TTC23: variants seen among roughly 807,000 people sequenced by gnomAD.
TTC23 encodes the protein tetratricopeptide repeat protein 23.
A neutral mutation model predicts 55.1 loss-of-function variants in TTC23; 58 were observed. The ratio of observed to expected loss-of-function variants is 1.05; its 90% confidence interval spans 0.85 to 1.31. The LOEUF is 1.31. Among genes scored for constraint, TTC23 ranks in the 50% most tolerant of loss-of-function variants. TTC23 has a pLI of 0.00. For synonymous variants in TTC23, 203 were observed against 199.9 expected, an observed-to-expected ratio of 1.02 and a Z score of -0.13; for missense variants, 516 against 534.4, an observed-to-expected ratio of 0.97 and a Z score of 0.34.
At chr15:99,165,374 C>T (rs987568818) in intron 10 of TTC23, among the ~76,000 whole-genome samples, 2 of 152,234 alleles carry the variant, frequency 1.3e-5, no homozygotes, top group Non-Finnish European at 2.9e-5. Context: ...GATCTAATTA[C>T]ATTCCATAGG....
intron 4 of TTC23, among the ~76,000 whole-genome samples, chr15:99,232,125 T>TA (rs978266760): frequency 4.6e-5 from 7 of 150,902 alleles, no homozygotes; most frequent in African/African-American, 1.7e-4. Flanking sequence ...GTTTAAAAAG[T>TA]AAAAAAAGAA....
chr15:99,204,490 T>C (rs1484575339), intron 8 of TTC23, among the ~76,000 whole-genome samples: 4 of 152,118 alleles, frequency 2.6e-5, no homozygotes, highest in Admixed American at 2.0e-4. Context: ...TTTAGCTTGA[T>C]GTGATCCCAT....
intron 8 of TTC23, among the ~76,000 whole-genome samples, chr15:99,214,235 C>T (rs760059393): frequency 3.3e-5 from 5 of 151,862 alleles, no homozygotes; most frequent in South Asian, 2.1e-4. Flanking sequence ...CGGCCGGGTG[C>T]GGTGGCTCAC....
intron 8 of TTC23, among the ~76,000 whole-genome samples, chr15:99,213,031 G>A (rs574770887): frequency 1.4e-5 from 2 of 146,896 alleles, no homozygotes; most frequent in Admixed American, 6.8e-5. Flanking sequence ...TCCAATGAGC[G>A]CTGCCTGAGA....
intron 4 of TTC23, among the ~76,000 whole-genome samples, chr15:99,230,879 T>C (rs979539281): frequency 6.6e-6 from 1 of 152,214 alleles, no homozygotes; most frequent in African/African-American, 2.4e-5. Context: ...TGATAGCAAA[T>C]GGAACTCTAG....
At chr15:99,212,199 T>C (rs1187733802) in intron 8 of TTC23, among the ~76,000 whole-genome samples, 1 of 152,104 alleles carries the variant, frequency 6.6e-6, no homozygotes, top group Non-Finnish European at 1.5e-5. Context: ...AATCACATGT[T>C]CTGGAGCAAT....
chr15:99,204,902 C>A (rs888886679), intron 8 of TTC23, among the ~76,000 whole-genome samples: 11 of 152,250 alleles, frequency 7.2e-5, no homozygotes, highest in African/African-American at 1.9e-4. Flanking sequence ...TCCCAAAGTG[C>A]TGGGACTACA....
At chr15:99,151,177 G>C (rs2151865104) in intron 12 of TTC23, 1 of 152,330 alleles carries the variant, frequency 6.6e-6, no homozygotes, top group East Asian at 1.9e-4. Context: ...GCCAAAAACA[G>C]GGAGGGATGC....
At chr15:99,237,263 T>A (rs143890091) in intron 3 of TTC23, among the ~76,000 whole-genome samples, 5 of 152,170 alleles carry the variant, frequency 3.3e-5, no homozygotes, top group African/African-American at 1.2e-4. Context: ...ACTACAGGCA[T>A]GAGCCACCAT....
chr15:99,175,431 G>GT (rs1491466677), intron 9 of TTC23, among the ~76,000 whole-genome samples: 4 of 152,228 alleles, frequency 2.6e-5, no homozygotes, highest in Non-Finnish European at 4.4e-5. Context: ...TTTGAGTCCA[G>GT]TGTCAGCAAA....
intron 8 of TTC23, among the ~76,000 whole-genome samples, chr15:99,200,987 C>T (rs772570665): frequency 6.6e-6 from 1 of 152,190 alleles, no homozygotes; most frequent in Non-Finnish European, 1.5e-5. Context: ...TTCTGTATAT[C>T]ATCTCAGGCA....
chr15:99,179,131 G>A (rs2073881249), intron 9 of TTC23, among the ~76,000 whole-genome samples: 1 of 152,212 alleles, frequency 6.6e-6, no homozygotes. Context: ...ACACGGAAAT[G>A]TCCAGCCAAC....
intron 1 of TTC23, among the ~76,000 whole-genome samples, 169 bp from the exon 2 acceptor site, chr15:99,245,679 G>C (rs2080181616): frequency 6.6e-6 from 1 of 151,686 alleles, no homozygotes; most frequent in African/African-American, 2.4e-5. Context: ...TGGTACAACT[G>C]GATAGATACA....
intron 8 of TTC23, among the ~76,000 whole-genome samples, chr15:99,214,904 G>A (rs566840361): frequency 1.6e-5 from 2 of 122,440 alleles, no homozygotes; most frequent in African/African-American, 6.2e-5. Context: ...TGCCCAGGCT[G>A]GAGTGCAATG....
intron 9 of TTC23, among the ~76,000 whole-genome samples, chr15:99,176,124 T>C (rs752282152): frequency 1.6e-4 from 24 of 152,200 alleles, no homozygotes; most frequent in Non-Finnish European, 2.8e-4. Flanking sequence ...CTGTCAGCAT[T>C]TGGAGTTTTA....
chr15:99,138,256 G>C (rs2067770012), intron 13 of TTC23, 129 bp from the exon 14 acceptor site: 1 of 1,065,074 alleles, frequency 9.4e-7, no homozygotes, highest in Non-Finnish European at 1.3e-6. Context: ...CTATAAATGA[G>C]AGGAGAATTG....
chr15:99,240,233 G>A (rs891839274), intron 3 of TTC23, among the ~76,000 whole-genome samples: 35 of 152,244 alleles, frequency 2.3e-4, no homozygotes, highest in Admixed American at 5.9e-4. Context: ...GTTATTCTGG[G>A]CCTCTGAACC....
intron 8 of TTC23, among the ~76,000 whole-genome samples, chr15:99,215,348 G>T (rs973845625): frequency 6.6e-6 from 1 of 152,062 alleles, no homozygotes. Flanking sequence ...ACGCTCAAAG[G>T]TCCTTGCATT....
chr15:99,202,765 A>T (rs1308872383), intron 8 of TTC23, among the ~76,000 whole-genome samples: 1 of 152,186 alleles, frequency 6.6e-6, no homozygotes, highest in African/African-American at 2.4e-5. Context: ...GAGAGGCAGG[A>T]GAATCAGTTG....
Sources: allele counts gnomAD v4.1 joint callset (sites outside exome capture counted in the v4.1 genomes callset), GRCh38; gene constraint gnomAD v4.1.1; transcripts MANE v1.5; gene names NCBI Gene and HGNC (gene_info 2026-07-23, HGNC 2026-07-21).